The following DPP6 variants were observed in gnomAD, a reference collection of about 807,000 sequenced individuals.
The protein encoded by DPP6 is dipeptidyl peptidase like 6, also known as A-type potassium channel modulatory protein DPP6.
DPP6 carries 69 observed loss-of-function variants against 122.6 expected under a neutral mutation model. That is an observed-to-expected ratio of 0.56 (90% CI 0.46 to 0.69). The LOEUF is 0.69. Ranked by LOEUF, DPP6 falls within the 30% of genes least tolerant of loss-of-function variation. DPP6 has a pLI of 0.00. For missense variants in DPP6, 928 were observed against 1,116.9 expected (o/e 0.83, Z 2.41); for synonymous variants, 418 against 433.1 (o/e 0.97, Z 0.43).
chr7:154,231,726 C>T (rs10259108), intron 1 of DPP6, among the ~76,000 whole-genome samples: 7,273 of 152,186 alleles, frequency 0.048, 572 homozygotes, highest in African/African-American at 0.16. Context: ...GGAGCACTTG[C>T]GAGCCACAGA....
chr7:154,687,445 T>A (rs1347740915), intron 7 of DPP6, among the ~76,000 whole-genome samples: 1 of 152,262 alleles, frequency 6.6e-6, no homozygotes, highest in Non-Finnish European at 1.5e-5. Context: ...ATTTCATTAC[T>A]GATGGTGCTG....
intron 1 of DPP6, among the ~76,000 whole-genome samples, chr7:154,002,042 T>C (rs1797714613): frequency 6.6e-6 from 1 of 152,166 alleles, no homozygotes; most frequent in Admixed American, 6.5e-5. Context: ...AGGTGTGTGT[T>C]TTCCAAGTTG....
At chr7:154,551,179 A>C (rs917105354) in intron 4 of DPP6, among the ~76,000 whole-genome samples, 13 of 152,210 alleles carry the variant, frequency 8.5e-5, no homozygotes, top group Non-Finnish European at 1.8e-4. Context: ...TTTACATTTT[A>C]CCTGAAAACT....
At chr7:154,027,236 G>T (rs1244341751) in intron 1 of DPP6, among the ~76,000 whole-genome samples, 1 of 151,408 alleles carries the variant, frequency 6.6e-6, no homozygotes, top group African/African-American at 2.4e-5. Flanking sequence ...AAATAGAAAA[G>T]AATTTTTGAG....
rs577369459 is a variant in DPP6, at chr7:154,494,558, C to T, written c.457+19521C>T. On this transcript the variant is annotated intron_variant, in intron 3 of 25. Coordinates refer to ENST00000377770, the MANE Select transcript of DPP6 (RefSeq NM_130797.4). ...GAATATGTTCTTATAATTTTTGTTTCTTTCTATATTTCAGATAAAACTCAG... is the reference window on the plus strand; with the variant it reads ...GAATATGTTCTTATAATTTTTGTTTTTTTCTATATTTCAGATAAAACTCAG... Among the ~76,000 whole-genome samples the T allele has an allele frequency of 9.6e-4, 146 of 151,772 alleles. No homozygotes were observed. The South Asian group carries it at 0.012, about 12-fold the overall frequency.
intron 2 of DPP6, among the ~76,000 whole-genome samples, chr7:154,448,824 T>C (rs961863525): frequency 6.6e-6 from 1 of 152,170 alleles, no homozygotes; most frequent in African/African-American, 2.4e-5. Context: ...GAGGAAAGAA[T>C]AGTCTTTCCA....
chr7:153,873,491 G>A, the DPP6 span, among the ~76,000 whole-genome samples: 4 of 152,014 alleles, frequency 2.6e-5, no homozygotes, highest in Middle Eastern at 3.4e-3. Context: ...ATCTAGTTGC[G>A]GAGATTTAAA....
intron 1 of DPP6, among the ~76,000 whole-genome samples, chr7:154,266,060 ATGCTCC>A (rs1251774814): frequency 1.3e-5 from 2 of 152,076 alleles, no homozygotes; most frequent in East Asian, 3.9e-4. Flanking sequence ...CTCCCATCCC[ATGCTCC>A]TGGAGATCTG....
At chr7:154,364,369 G>A (rs574703331) in intron 1 of DPP6, among the ~76,000 whole-genome samples, 13 of 152,210 alleles carry the variant, frequency 8.5e-5, no homozygotes, top group African/African-American at 1.7e-4. Flanking sequence ...CACTTATGCC[G>A]CACTGGAGAA....
intron 1 of DPP6, among the ~76,000 whole-genome samples, chr7:154,401,016 C>T (rs750639865): frequency 2.0e-5 from 3 of 152,072 alleles, no homozygotes; most frequent in Non-Finnish European, 4.4e-5. Flanking sequence ...GCCTGGCCAA[C>T]ATGGCAAAAC....
chr7:154,555,651 C>CA (rs1006492132), intron 4 of DPP6, among the ~76,000 whole-genome samples: 26 of 150,744 alleles, frequency 1.7e-4, no homozygotes, highest in African/African-American at 4.6e-4. Flanking sequence ...ATCCAAATGT[C>CA]AAAAAAAACT....
chr7:154,788,625 T>A (rs139768112), intron 10 of DPP6, among the ~76,000 whole-genome samples: 1,899 of 152,344 alleles, frequency 0.012, 19 homozygotes, highest in African/African-American at 0.018. Flanking sequence ...TATTGTGGAA[T>A]TTCGGTTTTC....
chr7:154,153,386 C>A (rs1796521531), intron 1 of DPP6, among the ~76,000 whole-genome samples: 1 of 152,162 alleles, frequency 6.6e-6, no homozygotes, highest in Non-Finnish European at 1.5e-5. Context: ...CGGGTTTCAC[C>A]ATGTTGGTCA....
At chr7:154,349,019 T>G (rs1675291401) in intron 1 of DPP6, among the ~76,000 whole-genome samples, 1 of 152,172 alleles carries the variant, frequency 6.6e-6, no homozygotes, top group South Asian at 2.1e-4. Context: ...CTATATCTCA[T>G]TAATACACCT....
chr7:154,316,954 AC>A (rs1451968213), intron 1 of DPP6, among the ~76,000 whole-genome samples: 1 of 152,128 alleles, frequency 6.6e-6, no homozygotes. Context: ...CTCAGTTTCC[AC>A]CTTGAGCAAG....
At chr7:154,784,954 T>C (rs1423264482) in intron 10 of DPP6, among the ~76,000 whole-genome samples, 1 of 152,106 alleles carries the variant, frequency 6.6e-6, no homozygotes, top group Non-Finnish European at 1.5e-5. Context: ...TTGAGGAGCT[T>C]GAAAAAAAAT....
intron 19 of DPP6, among the ~76,000 whole-genome samples, chr7:154,874,311 C>T (rs62472969): frequency 0.17 from 25,321 of 152,176 alleles, 2,483 homozygotes; most frequent in East Asian, 0.54. Context: ...AACAATTCTC[C>T]TTCCCTTCAG....
intron 1 of DPP6, among the ~76,000 whole-genome samples, chr7:154,179,555 G>T (rs757709132): frequency 6.6e-6 from 1 of 152,116 alleles, no homozygotes; most frequent in African/African-American, 2.4e-5. Flanking sequence ...CAAGTGTCTG[G>T]CATGAGCTCC....
intron 3 of DPP6, among the ~76,000 whole-genome samples, chr7:154,492,173 T>C (rs1824333378): frequency 6.6e-6 from 1 of 152,224 alleles, no homozygotes; most frequent in African/African-American, 2.4e-5. Flanking sequence ...AGGTATATTT[T>C]AAATGTTAAA....
Sources: allele counts gnomAD v4.1 joint callset (sites outside exome capture counted in the v4.1 genomes callset), GRCh38; gene constraint gnomAD v4.1.1; transcripts MANE v1.5; gene names NCBI Gene and HGNC (gene_info 2026-07-23, HGNC 2026-07-21).